Variants in EXD3 observed in about 807,000 individuals in gnomAD.
EXD3 encodes exonuclease mut-7 homolog.
A neutral mutation model predicts 98.0 loss-of-function variants in EXD3; 92 were observed. The observed-to-expected ratio is 0.94, with a 90% CI of 0.79 to 1.12. The LOEUF is 1.12. Ranked by LOEUF, EXD3 falls within the 50% of genes most tolerant of loss-of-function variation. The probability of loss-of-function intolerance (pLI) is 0.00; values close to 1 mark genes in which losing one functional copy is unlikely to be tolerated. For missense variants in EXD3, 1,222 were observed against 1,191.6 expected (o/e 1.03, Z -0.38); for synonymous variants, 569 against 526.0 (o/e 1.08, Z -1.12).
chr9:137,365,602 T>TACACAC (rs1564515520), intron 7 of EXD3: 3 of 90,462 alleles, frequency 3.3e-5, no homozygotes, highest in Admixed American at 2.8e-4. Flanking sequence ...CGCACACACA[T>TACACAC]GCACACACAC....
chr9:137,397,843 G>A (rs530114075), intron 1 of EXD3, among the ~76,000 whole-genome samples: 18 of 152,244 alleles, frequency 1.2e-4, no homozygotes, highest in African/African-American at 2.4e-4. Context: ...CTCAGCAAGC[G>A]GAGGCAGAAG....
intron 11 of EXD3, 124 bp downstream of exon 11, chr9:137,352,494 CTT>C: frequency 9.4e-7 from 1 of 1,063,354 alleles, no homozygotes; most frequent in South Asian, 1.7e-5. Context: ...TAGCTGCGCT[CTT>C]TGTTTTGTCT....
At chr9:137,333,692 G>A (rs1171348766) in intron 17 of EXD3, among the ~76,000 whole-genome samples, 1 of 152,114 alleles carries the variant, frequency 6.6e-6, no homozygotes, top group Admixed American at 6.6e-5. Context: ...GCAAACTCTT[G>A]CTTTGCCTTC....
At position 137,393,876 on chromosome 9, in the gene EXD3, C is replaced by G. The variant is rs1837071824; in HGVS notation, c.55+1427G>C. ...GGGCCTGCAGCCCAGGGCGAGGCGG[C>G]TGGGCCAGGGCCTTACAGCTCTCAC... On this transcript the variant is annotated intron_variant, in intron 2 of 21. Transcript: ENST00000340951. This position sits in a 1 kb window ranked among gnomAD's most constrained non-coding sequence, Gnocchi z 4.6. 6.6e-6 allele frequency among the ~76,000 whole-genome samples: 1 copy of G among 152,184 alleles called. No individual in the cohort carries two copies. Among genetic ancestry groups the G allele is most frequent in the Non-Finnish European group, 1.5e-5 (1 of 68,006 alleles).
chr9:137,372,861 C>T (rs1468983125), intron 5 of EXD3, 44 bp downstream of exon 5: 13 of 1,588,044 alleles, frequency 8.2e-6, no homozygotes, highest in South Asian at 1.1e-5. Flanking sequence ...CCCCACCGCC[C>T]GAGAAGCCGT....
chr9:137,394,535 C>T (rs13284401), intron 2 of EXD3, among the ~76,000 whole-genome samples: 32,256 of 101,534 alleles, frequency 0.32, 4,722 homozygotes, highest in Middle Eastern at 0.41. Flanking sequence ...TCCCTAACCC[C>T]GGCCTCCCAG....
intron 1 of EXD3, among the ~76,000 whole-genome samples, chr9:137,408,613 C>G (rs568093833): frequency 6.6e-6 from 1 of 151,500 alleles, no homozygotes; most frequent in African/African-American, 2.4e-5. Flanking sequence ...ACACCTCCCC[C>G]CAGCTGCTCA....
At position 137,352,637 on chromosome 9, in the gene EXD3, C is replaced by T. The variant is rs541583984; in HGVS notation, c.1020G>A (p.Arg340=). The part of the protein sequence containing the change: ...LPAAVAVELR[R]FRLQGRATEA... ...GCGCTCACCTCCCCTGGAGCCTGAA[C>T]CGGCGGAGTTCCACAGCCACCGCAG... Residue 340 remains arginine (R), a synonymous_variant, in exon 11 of 22, where the codon CGG becomes CGA. Coordinates refer to ENST00000340951, the MANE Select transcript of EXD3 (RefSeq NM_017820.5). 4.5e-6 allele frequency: 7 copies of T among 1,546,574 alleles called. No individual in the cohort carries two copies. The African/African-American group carries it at 5.5e-5, about 12-fold the overall frequency.
chr9:137,406,908 C>A (rs1192086863), intron 1 of EXD3, among the ~76,000 whole-genome samples: 1 of 152,058 alleles, frequency 6.6e-6, no homozygotes, highest in East Asian at 1.9e-4. Context: ...GCTGCGGGGA[C>A]CCGACGGGGC....
intron 8 of EXD3, among the ~76,000 whole-genome samples, chr9:137,355,478 A>C (rs111460149): frequency 0.1 from 627 of 6,038 alleles, 12 homozygotes; most frequent in Middle Eastern, 0.33. Flanking sequence ...GGAAGGAGGA[A>C]GGAGGAAGGA....
At chr9:137,370,312 A>G (rs1042357577) in intron 5 of EXD3, among the ~76,000 whole-genome samples, 6 of 152,208 alleles carry the variant, frequency 3.9e-5, no homozygotes, top group Non-Finnish European at 8.8e-5. Context: ...ATGCCTGGCC[A>G]CTTGGGAAAC....
chr9:137,317,195 G>GGCGCGCACCTGCCAGCCCAC (rs1288806821), intron 19 of EXD3, among the ~76,000 whole-genome samples: 5 of 152,146 alleles, frequency 3.3e-5, no homozygotes, highest in African/African-American at 4.8e-5. Flanking sequence ...GGCGGCCCCA[G>GGCGCGCACCTGCCAGCCCAC]GCGCGCACCT....
Position 137,407,916 on chromosome 9 carries a change from C to T in EXD3, c.-47-12512G>A, listed in dbSNP as rs904557416. 3.3e-5 allele frequency among the ~76,000 whole-genome samples: 5 copies of T among 152,158 alleles called. No individual in the cohort carries two copies. The highest frequency in any genetic ancestry group is 1.2e-4 in the African/African-American group (5 of 41,448). On this transcript the variant is annotated intron_variant, in intron 1 of 21. Transcript: ENST00000340951. This position sits in a 1 kb window ranked among gnomAD's most constrained non-coding sequence, Gnocchi z 4.4. ...CTTGGGCACCATGGACACCCCAGGC[C>T]CCGCAGCACACAAATGCGGAGCCTC...
intron 17 of EXD3, among the ~76,000 whole-genome samples, chr9:137,332,127 T>C (rs1276276327): frequency 1.3e-5 from 2 of 152,136 alleles, no homozygotes; most frequent in African/African-American, 4.8e-5. Context: ...TGGTCATGAA[T>C]TGGAGGAATC....
intron 1 of EXD3, among the ~76,000 whole-genome samples, chr9:137,420,178 C>T (rs182115591): frequency 6.6e-6 from 1 of 151,500 alleles, no homozygotes; most frequent in Non-Finnish European, 1.5e-5. Context: ...ACAAAAAAAA[C>T]CCCAGCAAAT....
chr9:137,394,726 G>A (rs910544465), intron 2 of EXD3, among the ~76,000 whole-genome samples: 32 of 152,144 alleles, frequency 2.1e-4, no homozygotes, highest in Admixed American at 3.3e-4. Flanking sequence ...CGGCCTCCCC[G>A]GCTTTGCCCA....
At chr9:137,417,421 G>C (rs1258091463) in intron 1 of EXD3, among the ~76,000 whole-genome samples, 1 of 152,208 alleles carries the variant, frequency 6.6e-6, no homozygotes, top group Non-Finnish European at 1.5e-5. Flanking sequence ...CCGCGGCGCG[G>C]AGGCCCCTGC....
chr9:137,365,293 T>G (rs1318285116), intron 7 of EXD3: 3 of 152,272 alleles, frequency 2.0e-5, no homozygotes, highest in Non-Finnish European at 2.9e-5. Flanking sequence ...CGGGACGGCC[T>G]GACGTCCAAG....
At chr9:137,320,345 C>T (rs1446960224) in intron 19 of EXD3, among the ~76,000 whole-genome samples, 1 of 152,244 alleles carries the variant, frequency 6.6e-6, no homozygotes, top group Admixed American at 6.5e-5. Context: ...TCTTTCAGAT[C>T]CAGATGCTCC....
Sources: allele counts gnomAD v4.1 joint callset (sites outside exome capture counted in the v4.1 genomes callset), GRCh38; gene constraint gnomAD v4.1.1; non-coding constraint Gnocchi (gnomAD v3.1); transcripts MANE v1.5; gene names NCBI Gene and HGNC (gene_info 2026-07-23, HGNC 2026-07-21).